TNIK: variants seen among roughly 807,000 people sequenced by gnomAD.
TNIK encodes the protein TRAF2 and NCK-interacting protein kinase.
TNIK carries 49 observed loss-of-function variants against 191.3 expected under a neutral mutation model. The ratio of observed to expected loss-of-function variants is 0.26; its 90% CI spans 0.20 to 0.32. TNIK has a LOEUF of 0.32. TNIK is among the 10% of genes least tolerant of loss of function. The pLI is 1.00. For synonymous variants in TNIK, 594 were observed against 600.9 expected (o/e 0.99, Z 0.17); for missense variants, 1,155 against 1,702.3 (o/e 0.68, Z 5.66).
intron 12 of TNIK, among the ~76,000 whole-genome samples, chr3:171,155,873 A>G (rs1733101257): frequency 6.6e-6 from 1 of 152,260 alleles, no homozygotes; most frequent in East Asian, 1.9e-4. Context: ...CTTGGTGCTT[A>G]GGCTCTGCAG....
At chr3:171,413,042 A>T (rs995914035) in intron 1 of TNIK, among the ~76,000 whole-genome samples, 14 of 152,214 alleles carry the variant, frequency 9.2e-5, no homozygotes, top group Admixed American at 9.2e-4. Context: ...CTCTTTTTAA[A>T]CACGGAATGG....
At chr3:171,149,620 A>G (rs1480149759) in intron 12 of TNIK, among the ~76,000 whole-genome samples, 1 of 152,186 alleles carries the variant, frequency 6.6e-6, no homozygotes, top group African/African-American at 2.4e-5. Flanking sequence ...CCTTATATCC[A>G]TGCAGATGAC....
intron 2 of TNIK, among the ~76,000 whole-genome samples, chr3:171,271,899 A>C (rs1172701137): frequency 6.6e-6 from 1 of 152,242 alleles, no homozygotes; most frequent in Non-Finnish European, 1.5e-5. Flanking sequence ...ATTACCTTTG[A>C]GCATTAGATT....
chr3:171,392,734 G>A (rs371500619), intron 1 of TNIK, among the ~76,000 whole-genome samples: 66 of 141,692 alleles, frequency 4.7e-4, no homozygotes, highest in South Asian at 3.1e-3. Context: ...AGCCGAGATC[G>A]TGCCATTGCA....
chr3:171,218,299 C>T (rs991074478), intron 3 of TNIK, among the ~76,000 whole-genome samples: 1 of 152,054 alleles, frequency 6.6e-6, no homozygotes, highest in Non-Finnish European at 1.5e-5. Flanking sequence ...GGGTAGATAA[C>T]AAAAGGTTGA....
chr3:171,318,985 C>A (rs1754917637), intron 2 of TNIK, among the ~76,000 whole-genome samples: 1 of 151,986 alleles, frequency 6.6e-6, no homozygotes, highest in African/African-American at 2.4e-5. Flanking sequence ...GTCAAAATAG[C>A]AAGACCCTGT....
In TNIK at chr3:171,317,278, C is replaced by A. The variant is rs149433396; in HGVS notation, c.123+52342G>T. 3.7e-4 allele frequency among the ~76,000 whole-genome samples: 57 copies of A among 152,114 alleles called. No homozygotes were observed. The East Asian group carries it at 9.7e-3, about 26-fold the overall frequency. ...AAGTATATTAACAATCAAGGTGGTG[C>A]AAGACTACCATTTGTTGTTCTCTCC... On this transcript the variant is annotated intron_variant, in intron 2 of 32. Transcript: ENST00000436636.
chr3:171,082,509 G>A (rs1294039904), intron 26 of TNIK, 115 bp from the exon 27 acceptor site: 2 of 1,191,364 alleles, frequency 1.7e-6, no homozygotes, highest in Non-Finnish European at 2.3e-6. Flanking sequence ...TAATGGGCAA[G>A]TAGGTAAATA....
intron 4 of TNIK, among the ~76,000 whole-genome samples, chr3:171,204,888 A>C (rs994851972): frequency 6.6e-6 from 1 of 152,200 alleles, no homozygotes; most frequent in African/African-American, 2.4e-5. Flanking sequence ...GTTAGCTAGC[A>C]TGCTGGCTTC....
chr3:171,357,763 T>C (rs1174146009), intron 2 of TNIK, among the ~76,000 whole-genome samples: 1 of 152,140 alleles, frequency 6.6e-6, no homozygotes, highest in Non-Finnish European at 1.5e-5. Flanking sequence ...GGATATAGTA[T>C]GGTTGCTAGC....
chr3:171,113,369 G>T (rs975489298), intron 18 of TNIK, among the ~76,000 whole-genome samples: 6 of 152,128 alleles, frequency 3.9e-5, no homozygotes, highest in Non-Finnish European at 8.8e-5. Flanking sequence ...ACTTTGGGAG[G>T]CCAAGGCAGG....
At chr3:171,322,984 G>A (rs1457370313) in intron 2 of TNIK, among the ~76,000 whole-genome samples, 1 of 151,978 alleles carries the variant, frequency 6.6e-6, no homozygotes, top group African/African-American at 2.4e-5. Context: ...TAAAAGAACA[G>A]AATTTCATGA....
intron 2 of TNIK, among the ~76,000 whole-genome samples, chr3:171,347,376 G>A (rs1242165879): frequency 1.4e-5 from 2 of 142,908 alleles, no homozygotes; most frequent in Non-Finnish European, 3.0e-5. Context: ...CTGGCCCTCA[G>A]CTGAGAAGTG....
At chr3:171,251,708 A>G (rs541851868) in intron 2 of TNIK, among the ~76,000 whole-genome samples, 6 of 152,340 alleles carry the variant, frequency 3.9e-5, no homozygotes, top group African/African-American at 1.4e-4. Context: ...ACTTGTACTC[A>G]AAATGAATGT....
chr3:171,434,805 CA>C lies in TNIK; in HGVS notation c.57+25201del, dbSNP rs559971325. Among the ~76,000 whole-genome samples the C allele has an allele frequency of 2.2e-3, 335 of 152,194 alleles. 2 individuals carry two copies. The highest frequency in any genetic ancestry group is 7.5e-3 in the African/African-American group (313 of 41,520). On this transcript the variant is annotated intron_variant, in intron 1 of 32. Transcript: ENST00000436636. ...GTTTCTTTTATGTCTTGCCTTTATT[CA>C]ATGGCTAACATTTCCATTACATTAT...
chr3:171,226,858 C>T (rs1255271784), intron 3 of TNIK, among the ~76,000 whole-genome samples: 5 of 152,066 alleles, frequency 3.3e-5, no homozygotes, highest in Admixed American at 2.0e-4. Flanking sequence ...TATCACATAA[C>T]ATATACTTAT....
chr3:171,333,031 G>A (rs1756558932), intron 2 of TNIK, among the ~76,000 whole-genome samples: 1 of 152,126 alleles, frequency 6.6e-6, no homozygotes, highest in Non-Finnish European at 1.5e-5. Flanking sequence ...TGCCCCAAAT[G>A]CCAAAAGCAC....
intron 4 of TNIK, among the ~76,000 whole-genome samples, chr3:171,209,877 T>C (rs1472487848): frequency 6.6e-6 from 1 of 152,212 alleles, no homozygotes; most frequent in Non-Finnish European, 1.5e-5. Flanking sequence ...CTGTCTATAT[T>C]CTGTCTTCCC....
intron 5 of TNIK, 138 bp from the exon 6 acceptor site, chr3:171,190,925 G>A: frequency 1.7e-6 from 1 of 586,766 alleles, no homozygotes; most frequent in Non-Finnish European, 3.0e-6. Flanking sequence ...TCTTTCATGT[G>A]CTCATAGTGC....
Sources: gnomAD v4.1 joint callset for allele counts (sites outside exome capture counted in the v4.1 genomes callset) on GRCh38, gnomAD v4.1.1 for gene constraint, MANE v1.5 for transcripts, NCBI Gene and HGNC (gene_info 2026-07-23, HGNC 2026-07-21) for gene names.